CDH13: variants seen among roughly 807,000 people sequenced by gnomAD.
The protein encoded by CDH13 is cadherin 13.
Under a neutral mutation model 63.8 loss-of-function variants are expected in CDH13, and 24 were observed. That is an observed-to-expected ratio of 0.38 (90% CI 0.27 to 0.53). The LOEUF (loss-of-function observed/expected upper bound fraction) is 0.53, where lower values mean the gene tolerates loss of function less well. Ranked by LOEUF, CDH13 falls within the 20% of genes least tolerant of loss-of-function variation. CDH13 has a pLI of 0.85. For synonymous variants in CDH13, 503 were observed against 355.3 expected (o/e 1.42, Z -4.67); for missense variants, 1,049 against 903.1 (o/e 1.16, Z -2.07).
chr16:83,115,042 G>C (rs1392669797), intron 3 of CDH13, among the ~76,000 whole-genome samples: 2 of 152,154 alleles, frequency 1.3e-5, no homozygotes, highest in Non-Finnish European at 2.9e-5. Flanking sequence ...TGTTCTCTCT[G>C]GGAAAATGTT....
At chr16:83,082,253 T>C (rs1386093508) in intron 3 of CDH13, among the ~76,000 whole-genome samples, 1 of 152,180 alleles carries the variant, frequency 6.6e-6, no homozygotes, top group African/African-American at 2.4e-5. Flanking sequence ...ACATGCAAAA[T>C]GTATTCATTG....
intron 7 of CDH13, among the ~76,000 whole-genome samples, chr16:83,598,737 A>G (rs535259157): frequency 4.6e-5 from 7 of 152,228 alleles, no homozygotes; most frequent in African/African-American, 1.7e-4. Context: ...GATGATTAAC[A>G]ACAACAACAA....
Position 83,093,294 on chromosome 16 carries a change from C to CTTTT in CDH13, c.367-32056_367-32053dup, listed in dbSNP as rs549590536. ...TTGTCCTGTGGAAACACCATAAGTA[C>CTTTT]TTTTTTTTTTTTTTTTTTTTTTTTT... On this transcript the variant is annotated intron_variant, in intron 3 of 13. Transcript: ENST00000567109. Among the ~76,000 whole-genome samples, 12 of 35,326 alleles carry CTTTT rather than the reference C, an allele frequency of 3.4e-4. 4 individuals carry two copies. The highest frequency in any genetic ancestry group is 5.2e-4 in the African/African-American group (6 of 11,468). 23.2% of individuals were successfully genotyped at this position (35,326 alleles called of 152,430 possible). A position where few individuals can be genotyped will look rare whatever the true frequency, so the allele number is the denominator to read the frequency against.
intron 1 of CDH13, among the ~76,000 whole-genome samples, chr16:82,837,829 C>T (rs773214996): frequency 1.3e-5 from 2 of 152,308 alleles, no homozygotes; most frequent in African/African-American, 2.4e-5. Flanking sequence ...ATAGTTCATA[C>T]AAACATGAGG....
At chr16:83,791,811 CAAAAA>C (rs10548547) in intron 13 of CDH13, among the ~76,000 whole-genome samples, 3 of 94,900 alleles carry the variant, frequency 3.2e-5, no homozygotes, top group Non-Finnish European at 4.3e-5. Context: ...ACTTTGTCTC[CAAAAA>C]AAAAAAAAAA....
chr16:83,236,936 T>C (rs11150556), intron 5 of CDH13, among the ~76,000 whole-genome samples: 79,903 of 151,604 alleles, frequency 0.53, 21,505 homozygotes, highest in East Asian at 0.86. Context: ...ACTTTAAAAA[T>C]GTTTCATATG....
chr16:83,195,311 T>C (rs1430757741), intron 4 of CDH13, among the ~76,000 whole-genome samples: 1 of 152,194 alleles, frequency 6.6e-6, no homozygotes, highest in African/African-American at 2.4e-5. Flanking sequence ...CTTGCACTGC[T>C]ATAAAGAAAT....
intron 1 of CDH13, among the ~76,000 whole-genome samples, chr16:82,660,098 T>A (rs905312709): frequency 6.6e-6 from 1 of 152,126 alleles, no homozygotes; most frequent in Non-Finnish European, 1.5e-5. Context: ...CAGAAAGTAA[T>A]ACTGCATTTA....
intron 7 of CDH13, among the ~76,000 whole-genome samples, chr16:83,590,934 G>T (rs1481069032): frequency 7.1e-6 from 1 of 141,418 alleles, no homozygotes; most frequent in Non-Finnish European, 1.5e-5. Context: ...TTTTGAGAGG[G>T]AGTTTCGCTC....
intron 1 of CDH13, among the ~76,000 whole-genome samples, chr16:82,850,076 C>T (rs962947410): frequency 6.6e-6 from 1 of 152,188 alleles, no homozygotes; most frequent in Non-Finnish European, 1.5e-5. Context: ...GAAATATTGA[C>T]TTTCAAGTCT....
intron 11 of CDH13, among the ~76,000 whole-genome samples, chr16:83,754,766 T>G (rs1913368244): frequency 6.6e-6 from 1 of 152,202 alleles, no homozygotes; most frequent in Non-Finnish European, 1.5e-5. Context: ...CCCAGCCATG[T>G]GAAACTGTAC....
At chr16:83,500,607 C>G (rs111282576) in intron 7 of CDH13, among the ~76,000 whole-genome samples, 2 of 116,448 alleles carry the variant, frequency 1.7e-5, no homozygotes, top group African/African-American at 6.7e-5. Context: ...GCGTCTCACT[C>G]TGTCACCCAG....
chr16:83,633,744 A>G (rs958441037), intron 8 of CDH13, among the ~76,000 whole-genome samples: 4 of 152,118 alleles, frequency 2.6e-5, no homozygotes, highest in Non-Finnish European at 5.9e-5. Flanking sequence ...TTGCCCTTCA[A>G]AACAGGTTGC....
At position 83,089,079 on chromosome 16, in the gene CDH13, G is replaced by A. The variant is rs544497056; in HGVS notation, c.367-36306G>A. Among the ~76,000 whole-genome samples, 171 of 152,254 alleles carry A rather than the reference G, an allele frequency of 1.1e-3. 1 individual carries two copies. Among genetic ancestry groups the A allele is most frequent in the Middle Eastern group, 3.4e-3 (1 of 294 alleles). ...AAAATTTACAGACTCCTGAGGCAGG[G>A]TTTTATCAATTCCTTTCCATGTCTA... On this transcript the variant is annotated intron_variant, in intron 3 of 13. Transcript: ENST00000567109.
intron 1 of CDH13, among the ~76,000 whole-genome samples, chr16:82,832,323 T>G (rs1049271695): frequency 2.0e-5 from 3 of 152,218 alleles, no homozygotes; most frequent in Non-Finnish European, 2.9e-5. Context: ...TTGCAATATC[T>G]AAGCTTGATT....
At chr16:82,823,800 C>A (rs1046559049) in intron 1 of CDH13, 1 of 151,988 alleles carries the variant, frequency 6.6e-6, no homozygotes, top group Admixed American at 6.6e-5. Context: ...AGATATAAGA[C>A]CAGCGAGATT....
rs545499789 is a variant in CDH13, at chr16:82,670,831, T to C, written c.45+43694T>C. On this transcript the variant is annotated intron_variant, in intron 1 of 13. Transcript: ENST00000567109. Reference sequence around the variant, plus strand: ...ATCATTTCAGAACATCTGGCCCTAATATGTAGTAACAGCTGTTTAGTACCT... The same window carrying C: ...ATCATTTCAGAACATCTGGCCCTAACATGTAGTAACAGCTGTTTAGTACCT... Among the ~76,000 whole-genome samples the C allele has an allele frequency of 2.6e-5, 4 of 152,352 alleles. No individual in the cohort carries two copies. The East Asian group carries it at 7.7e-4, about 29-fold the overall frequency.
At chr16:83,045,287 G>C (rs994499281) in intron 3 of CDH13, among the ~76,000 whole-genome samples, 2 of 152,118 alleles carry the variant, frequency 1.3e-5, no homozygotes, top group Non-Finnish European at 2.9e-5. Context: ...TTTGGAAGTA[G>C]AATCTCATGG....
chr16:83,700,295 T>C (rs1390153693), intron 10 of CDH13, among the ~76,000 whole-genome samples: 1 of 152,224 alleles, frequency 6.6e-6, no homozygotes, highest in African/African-American at 2.4e-5. Flanking sequence ...GCAGAAAGAT[T>C]CAATTCTATG....
Sources: gnomAD v4.1 joint callset for allele counts (sites outside exome capture counted in the v4.1 genomes callset) on GRCh38, gnomAD v4.1.1 for gene constraint, MANE v1.5 for transcripts, NCBI Gene and HGNC (gene_info 2026-07-23, HGNC 2026-07-21) for gene names.